Variants in CACNA1D observed in about 807,000 individuals in gnomAD.
The protein encoded by CACNA1D is voltage-dependent L-type calcium channel subunit alpha-1D.
Under a neutral mutation model 257.1 loss-of-function variants are expected in CACNA1D, and 55 were observed. The observed-to-expected ratio is 0.21, with a 90% CI of 0.17 to 0.27. The LOEUF (loss-of-function observed/expected upper bound fraction) is 0.27. CACNA1D is among the 10% of genes least tolerant of loss of function. The probability of loss-of-function intolerance (pLI) is 1.00; values close to 1 mark genes in which losing one functional copy is unlikely to be tolerated. For synonymous variants in CACNA1D, 980 were observed against 1,014.9 expected (o/e 0.97, Z 0.65); for missense variants, 1,876 against 2,784.0 (o/e 0.67, Z 7.34).
intron 3 of CACNA1D, among the ~76,000 whole-genome samples, chr3:53,509,090 A>C (rs2090993170): frequency 6.6e-6 from 1 of 152,142 alleles, no homozygotes; most frequent in Non-Finnish European, 1.5e-5. Flanking sequence ...AGAGTGGTGG[A>C]GGCGGGGGCC....
chr3:53,754,183 C>T (rs1175611434), intron 29 of CACNA1D, among the ~76,000 whole-genome samples: 1 of 152,162 alleles, frequency 6.6e-6, no homozygotes, highest in Non-Finnish European at 1.5e-5. Context: ...ACAGCCATAC[C>T]ATCTTTTGTT....
At chr3:53,763,864 A>G (rs867244415) in intron 30 of CACNA1D, among the ~76,000 whole-genome samples, 15 of 152,200 alleles carry the variant, frequency 9.9e-5, no homozygotes, top group South Asian at 4.1e-4. Context: ...TGGGGTGAAT[A>G]ACATCTGCCC....
At chr3:53,705,573 C>T (rs1447450744) in intron 9 of CACNA1D, among the ~76,000 whole-genome samples, 1 of 152,182 alleles carries the variant, frequency 6.6e-6, no homozygotes, top group South Asian at 2.1e-4. Flanking sequence ...CGCCCTTGTT[C>T]TTTATGGAGC....
intron 3 of CACNA1D, among the ~76,000 whole-genome samples, chr3:53,520,993 T>G (rs986265807): frequency 6.6e-6 from 1 of 151,592 alleles, no homozygotes; most frequent in African/African-American, 2.4e-5. Context: ...TTTCCTTTTC[T>G]TTCTTTCTTC....
intron 6 of CACNA1D, 70 bp from the exon 7 acceptor site, chr3:53,666,269 C>G (rs2094262259): frequency 1.4e-6 from 2 of 1,465,472 alleles, no homozygotes. Context: ...CAAGGGTTCT[C>G]ACCTTCCGCT....
chr3:53,585,351 C>A (rs2093197167), intron 3 of CACNA1D, among the ~76,000 whole-genome samples: 1 of 152,050 alleles, frequency 6.6e-6, no homozygotes, highest in African/African-American at 2.4e-5. Flanking sequence ...CAATGCATAG[C>A]ATAGATTTGC....
chr3:53,667,859 A>G (rs959332930), intron 7 of CACNA1D, among the ~76,000 whole-genome samples: 2 of 139,108 alleles, frequency 1.4e-5, no homozygotes, highest in Admixed American at 1.4e-4. Context: ...GTGTGTGTGT[A>G]TGCACATCTG....
At chr3:53,796,410 G>C (rs560165212) in intron 40 of CACNA1D, 27 of 456,144 alleles carry the variant, frequency 5.9e-5, no homozygotes, top group African/African-American at 4.8e-4. Flanking sequence ...CGTAGGTCCA[G>C]GGCGGGGCTC....
rs371610691 is a variant in CACNA1D, at chr3:53,770,245, G to A, written c.3916-179G>A. Among the ~76,000 whole-genome samples the A allele has an allele frequency of 5.3e-5, 8 of 152,310 alleles. No homozygotes were observed. The East Asian group carries it at 5.8e-4, about 11-fold the overall frequency. On this transcript the variant is annotated intron_variant, in intron 31 of 47. Transcript: ENST00000350061. ...ATGTGCTGTGTGGACGCAGTTTTCC[G>A]AGCTCTGTGTTGTTAGCATGTAACT...
rs141307889 is a variant in CACNA1D, at chr3:53,794,211, G to A, written c.4924-6038G>A. Among the ~76,000 whole-genome samples, 10 of 152,306 alleles carry A rather than the reference G, an allele frequency of 6.6e-5. No individual in the cohort carries two copies. The East Asian group carries it at 1.5e-3, about 23-fold the overall frequency. ...GTAGTAGTAAAAGGTGGTAATTATC[G>A]TGGCTTGTTATTTAGTACCATTCAC... On this transcript the variant is annotated intron_variant, in intron 40 of 47. Coordinates refer to ENST00000350061, the MANE Select transcript of CACNA1D (RefSeq NM_001128840.3).
chr3:53,722,853 G>C (rs2094896165), intron 12 of CACNA1D, among the ~76,000 whole-genome samples: 1 of 152,098 alleles, frequency 6.6e-6, no homozygotes, highest in Non-Finnish European at 1.5e-5. Flanking sequence ...CCAGCACTGG[G>C]GTGTGGGACA....
intron 3 of CACNA1D, among the ~76,000 whole-genome samples, chr3:53,559,071 CT>C (rs1553726649): frequency 1.3e-5 from 2 of 151,838 alleles, no homozygotes; most frequent in Non-Finnish European, 2.9e-5. Flanking sequence ...ATCTTTTTTT[CT>C]CTTCATGTTT....
intron 3 of CACNA1D, among the ~76,000 whole-genome samples, chr3:53,625,730 C>T (rs2093750837): frequency 6.6e-6 from 1 of 152,192 alleles, no homozygotes; most frequent in Admixed American, 6.5e-5. Context: ...CATAACCACC[C>T]AGATTTCTAT....
In CACNA1D at chr3:53,589,635, C is replaced by T. The variant is rs78555433; in HGVS notation, c.484-61144C>T. The stretch of plus-strand genomic sequence containing the variant: ...CTATGTGCTTTTCTTTTAGAGACAA[C>T]GTCTCCTTCTGTTGCCCAGGCTGGA... On this transcript the variant is annotated intron_variant, in intron 3 of 47. Coordinates refer to ENST00000350061, the MANE Select transcript of CACNA1D (RefSeq NM_001128840.3). Among the ~76,000 whole-genome samples the T allele has an allele frequency of 6.6e-3, 1,000 of 152,278 alleles. 10 individuals carry two copies. The highest frequency in any genetic ancestry group is 0.032 in the South Asian group (152 of 4,818).
intron 3 of CACNA1D, among the ~76,000 whole-genome samples, chr3:53,634,252 G>T (rs1292890437): frequency 6.6e-6 from 1 of 152,194 alleles, no homozygotes; most frequent in Non-Finnish European, 1.5e-5. Context: ...AATGAATTTT[G>T]AATTGAGGCA....
intron 40 of CACNA1D, chr3:53,791,158 C>A: frequency 1.6e-6 from 1 of 635,296 alleles, no homozygotes; most frequent in South Asian, 1.8e-5. Context: ...AGGGAGACCC[C>A]TTCCAAGCAA....
intron 16 of CACNA1D, 99 bp downstream of exon 16, chr3:53,730,655 C>T: frequency 1.1e-6 from 1 of 902,456 alleles, no homozygotes; most frequent in Non-Finnish European, 1.8e-6. Context: ...ACGGCAGCTG[C>T]AGCCCCCGGG....
chr3:53,644,127 G>T (rs1407014867), intron 3 of CACNA1D, among the ~76,000 whole-genome samples: 1 of 152,178 alleles, frequency 6.6e-6, no homozygotes, highest in Non-Finnish European at 1.5e-5. Flanking sequence ...GCATGAAATA[G>T]AAATGATCTC....
At chr3:53,678,064 A>G (rs11711142) in intron 8 of CACNA1D, among the ~76,000 whole-genome samples, 44,386 of 152,096 alleles carry the variant, frequency 0.29, 6,424 homozygotes, top group Middle Eastern at 0.38. Context: ...AGTCCTTTCA[A>G]ACTAATTAAT....
Sources: gnomAD v4.1 joint callset for allele counts (sites outside exome capture counted in the v4.1 genomes callset) on GRCh38, gnomAD v4.1.1 for gene constraint, MANE v1.5 for transcripts, NCBI Gene and HGNC (gene_info 2026-07-23, HGNC 2026-07-21) for gene names.